C1QTNF1: variants seen among roughly 807,000 people sequenced by gnomAD.
The protein encoded by C1QTNF1 is complement C1q tumor necrosis factor-related protein 1.
Under a neutral mutation model 27.8 loss-of-function variants are expected in C1QTNF1, and 22 were observed. The observed-to-expected ratio is 0.79, with a 90% CI of 0.56 to 1.13. The LOEUF (loss-of-function observed/expected upper bound fraction) is 1.13, where lower values mean the gene tolerates loss of function less well. C1QTNF1 is among the 50% of genes most tolerant of loss of function. C1QTNF1 has a pLI of 0.00. For missense variants in C1QTNF1, 373 were observed against 380.2 expected, an observed-to-expected ratio of 0.98 and a Z score of 0.16; for synonymous variants, 166 against 154.3, an observed-to-expected ratio of 1.08 and a Z score of -0.56.
chr17:79,038,087 T>TCTCCTGCCTC, intron 1 of C1QTNF1, among the ~76,000 whole-genome samples: 1 of 151,910 alleles, frequency 6.6e-6, no homozygotes, highest in Admixed American at 6.6e-5. Flanking sequence ...CCTCCTGAGT[T>TCTCCTGCCTC]CAAGCAATTC....
chr17:79,044,770 C>T (rs1169658203), intron 2 of C1QTNF1, among the ~76,000 whole-genome samples: 1 of 152,154 alleles, frequency 6.6e-6, no homozygotes, highest in African/African-American at 2.4e-5. Flanking sequence ...TCCTGGAGAC[C>T]CGGCGACAGC....
In C1QTNF1 at chr17:79,038,384, T is replaced by A. The variant is rs530877509; in HGVS notation, c.-14-5571T>A. On this transcript the variant is annotated intron_variant, in intron 1 of 3. Transcript: ENST00000579760. Reference sequence around the variant, plus strand: ...GGTTTCTCTTTTCTGGCCTCCCTCCTCCTGTAAAGGGGGATGTGTTCTTGT... The same window carrying A: ...GGTTTCTCTTTTCTGGCCTCCCTCCACCTGTAAAGGGGGATGTGTTCTTGT... Among the ~76,000 whole-genome samples the A allele has an allele frequency of 3.9e-5, 6 of 152,286 alleles. No individual in the cohort carries two copies. The South Asian group carries it at 1.2e-3, about 32-fold the overall frequency.
chr17:79,037,244 C>T (rs1427241694), intron 1 of C1QTNF1, among the ~76,000 whole-genome samples: 1 of 152,192 alleles, frequency 6.6e-6, no homozygotes, highest in Non-Finnish European at 1.5e-5. Context: ...ATTCTCCTGC[C>T]TCAGCCTCCC....
chr17:79,029,900 G>A (rs935757485), intron 1 of C1QTNF1, among the ~76,000 whole-genome samples: 8 of 152,158 alleles, frequency 5.3e-5, no homozygotes, highest in East Asian at 1.9e-4. Context: ...ATCTTGTTCC[G>A]TTCGTCCCAA....
intron 2 of C1QTNF1, among the ~76,000 whole-genome samples, chr17:79,045,411 A>G (rs915995782): frequency 6.6e-6 from 1 of 152,174 alleles, no homozygotes; most frequent in African/African-American, 2.4e-5. Flanking sequence ...GAAAGCTTGA[A>G]TTGGACGGTG....
Position 79,046,585 on chromosome 17 carries a change from C to A in C1QTNF1, c.186C>A (p.Pro62=). The stretch of plus-strand genomic sequence containing the variant: ...AAGAACAACATGAAAAATACAGGCC[C>A]AGTCAGGACCAGGGGCTCCCTGCTT... ...RAEEQHEKYR[P]SQDQGLPASR... Residue 62 remains proline, a synonymous_variant, in exon 3 of 4, where the codon CCC becomes CCA. Transcript: ENST00000579760. The surrounding 1 kb of genome is among the most constrained non-coding windows in gnomAD (Gnocchi z 4.8). The A allele has an allele frequency of 6.2e-7, 1 of 1,614,228 alleles. No individual in the cohort carries two copies. The highest frequency in any genetic ancestry group is 1.7e-4 in the Middle Eastern group (1 of 6,054).
chr17:79,045,825 A>G (rs928583559), intron 2 of C1QTNF1, among the ~76,000 whole-genome samples: 2 of 152,130 alleles, frequency 1.3e-5, no homozygotes, highest in Non-Finnish European at 2.9e-5. Context: ...GGTAGGGGTG[A>G]GATGTCCATC....
At chr17:79,028,273 A>G (rs2072029014) in intron 1 of C1QTNF1, among the ~76,000 whole-genome samples, 3 of 152,208 alleles carry the variant, frequency 2.0e-5, no homozygotes, top group Admixed American at 2.0e-4. Context: ...GGAATGCCCC[A>G]AACCCTATGC....
At chr17:79,023,704 G>GCGCGCGCACACACACA (rs1267428917), upstream of C1QTNF1, among the ~76,000 whole-genome samples, 1,459 of 144,970 alleles carry the variant, frequency 0.01, 14 homozygotes, top group East Asian at 0.039. Flanking sequence ...GCGCGCGCGC[G>GCGCGCGCACACACACA]CACACACACA....
intron 1 of C1QTNF1, chr17:79,043,349 A>G: frequency 2.2e-6 from 1 of 448,794 alleles, no homozygotes; most frequent in South Asian, 1.6e-5. Flanking sequence ...GAGCATGTGG[A>G]TTGCATGTGT....
chr17:79,027,973 C>G (rs1400803947), intron 1 of C1QTNF1, among the ~76,000 whole-genome samples: 1 of 152,214 alleles, frequency 6.6e-6, no homozygotes, highest in East Asian at 1.9e-4. Context: ...CGTTCTCCAG[C>G]TTCAGATGGG....
At chr17:79,023,810 G>A (rs886428088), upstream of C1QTNF1, among the ~76,000 whole-genome samples, 1 of 152,164 alleles carries the variant, frequency 6.6e-6, no homozygotes, top group Admixed American at 6.5e-5. Context: ...TGCACAGGGC[G>A]TCTCAGGTCT....
chr17:79,035,786 G>A (rs2072251209), intron 1 of C1QTNF1, among the ~76,000 whole-genome samples: 1 of 152,158 alleles, frequency 6.6e-6, no homozygotes, highest in Admixed American at 6.5e-5. Context: ...CCTATCTTAT[G>A]CCAAGTTTCC....
Position 79,048,270 on chromosome 17 carries a change from C to A in C1QTNF1, c.*182C>A, listed in dbSNP as rs570448278. 1.5e-6 allele frequency: 1 copy of A among 661,888 alleles called. No homozygotes were observed. Among genetic ancestry groups the A allele is most frequent in the Admixed American group, 3.4e-5 (1 of 29,374 alleles). 41.0% of individuals were successfully genotyped at this position (661,888 alleles called of 1,614,324 possible). On this transcript the variant is annotated 3_prime_UTR_variant, in exon 4 of 4. Coordinates refer to ENST00000579760, the MANE Select transcript of C1QTNF1 (RefSeq NM_030968.5). ...TCCCGCAGCCTCTGGAGAGAGCTGACGGCAGATGAAATCACCAGGGCGGGG... is the reference window on the plus strand; with the variant it reads ...TCCCGCAGCCTCTGGAGAGAGCTGAAGGCAGATGAAATCACCAGGGCGGGG...
At chr17:79,037,607 A>G (rs1031260061) in intron 1 of C1QTNF1, among the ~76,000 whole-genome samples, 12 of 152,162 alleles carry the variant, frequency 7.9e-5, no homozygotes, top group African/African-American at 2.9e-4. Context: ...GTGAACTTGC[A>G]TGTGACTACT....
rs944736387 is a variant in C1QTNF1, at chr17:79,024,380, C to G, written c.-129C>G. The G allele has an allele frequency of 6.6e-6, 1 of 152,308 alleles. No homozygotes were observed. Among genetic ancestry groups the G allele is most frequent in the Non-Finnish European group, 1.5e-5 (1 of 68,196 alleles). 9.4% of individuals were successfully genotyped at this position (152,308 alleles called of 1,614,324 possible). ...TGCCGTCCTCCGGAAGACCTTTTCCCCTGCTCTGTTTCCTTCACCGAGTCT... is the reference window on the plus strand; with the variant it reads ...TGCCGTCCTCCGGAAGACCTTTTCCGCTGCTCTGTTTCCTTCACCGAGTCT... On this transcript the variant is annotated 5_prime_UTR_variant, in exon 1 of 4. Coordinates refer to ENST00000579760, the MANE Select transcript of C1QTNF1 (RefSeq NM_030968.5).
chr17:79,035,287 A>C (rs2072237853), intron 1 of C1QTNF1, among the ~76,000 whole-genome samples: 2 of 151,956 alleles, frequency 1.3e-5, no homozygotes, highest in Non-Finnish European at 2.9e-5. Context: ...GCCGAGGGGG[A>C]GTGGACTCAG....
chr17:79,030,493 C>CTTTCTTTT (rs2072105106), intron 1 of C1QTNF1, among the ~76,000 whole-genome samples: 1 of 85,350 alleles, frequency 1.2e-5, no homozygotes, highest in Non-Finnish European at 2.4e-5. Context: ...CTTTTTCTTT[C>CTTTCTTTT]TTTCTTTCTT....
intron 1 of C1QTNF1, among the ~76,000 whole-genome samples, chr17:79,026,445 C>T (rs140010102): frequency 1.3e-5 from 2 of 152,304 alleles, no homozygotes; most frequent in African/African-American, 4.8e-5. Flanking sequence ...TGAGCCACCG[C>T]GCCTGGCCTC....
Sources: gnomAD v4.1 joint callset for allele counts (sites outside exome capture counted in the v4.1 genomes callset) on GRCh38, gnomAD v4.1.1 for gene constraint, Gnocchi (gnomAD v3.1) non-coding constraint, MANE v1.5 for transcripts, NCBI Gene and HGNC (gene_info 2026-07-23, HGNC 2026-07-21) for gene names.